HIF1A: variants seen among roughly 807,000 people sequenced by gnomAD.
The protein encoded by HIF1A is hypoxia-inducible factor 1-alpha.
Under a neutral mutation model 92.7 loss-of-function variants are expected in HIF1A, and 24 were observed. That is an observed-to-expected ratio of 0.26 (90% CI 0.19 to 0.36). HIF1A has a LOEUF of 0.36. Ranked by LOEUF, HIF1A falls within the 10% of genes least tolerant of loss-of-function variation. The pLI, the probability that HIF1A is intolerant of heterozygous loss-of-function variation, is 1.00. For synonymous variants in HIF1A, 319 were observed against 338.7 expected (o/e 0.94, Z 0.64); for missense variants, 799 against 998.5 (o/e 0.80, Z 2.69).
At chr14:61,712,577 A>G (rs1057049641) in intron 1 of HIF1A, among the ~76,000 whole-genome samples, 14 of 148,952 alleles carry the variant, frequency 9.4e-5, no homozygotes, top group Admixed American at 4.8e-4. Flanking sequence ...ACTGTAACTT[A>G]TATCTAGTAT....
At chr14:61,702,311 C>T (rs1383285076) in intron 1 of HIF1A, among the ~76,000 whole-genome samples, 1 of 144,936 alleles carries the variant, frequency 6.9e-6, no homozygotes, top group Non-Finnish European at 1.5e-5. Context: ...TGTGGTGGCA[C>T]ATGCCTGTAA....
chr14:61,697,788 G>T (rs1352394350), intron 1 of HIF1A: 1 of 1,447,532 alleles, frequency 6.9e-7, no homozygotes, highest in Non-Finnish European at 9.0e-7. Flanking sequence ...ACAGTTTTTT[G>T]AAAGATAACT....
At chr14:61,715,350 G>A (rs1014749471) in intron 1 of HIF1A, among the ~76,000 whole-genome samples, 1 of 152,130 alleles carries the variant, frequency 6.6e-6, no homozygotes, top group African/African-American at 2.4e-5. Flanking sequence ...GAATAGCTTA[G>A]GTCAAGTCCT....
intron 12 of HIF1A, among the ~76,000 whole-genome samples, chr14:61,742,215 T>A (rs1362327268): frequency 6.6e-6 from 1 of 152,216 alleles, no homozygotes; most frequent in Non-Finnish European, 1.5e-5. Context: ...TATTTTAAGT[T>A]TGAGGCTATA....
Position 61,744,656 on chromosome 14 carries a change from A to T in HIF1A, c.2094-49A>T, listed in dbSNP as rs557610663. The T allele has an allele frequency of 2.3e-4, 175 of 763,458 alleles. 2 individuals carry two copies. In the South Asian group the frequency reaches 2.9e-3, roughly 13 times the overall value. The allele number at this position is 763,458 out of a possible 1,614,324, so 47.3% of individuals were successfully genotyped here. ...TTTTCTTTAAAAGCGCTCACTGGAT[A>T]TTTTTTTTAAAAACGCTATATTTTC... On this transcript the variant is annotated intron_variant, in intron 12 of 14. Transcript: ENST00000337138.
intron 6 of HIF1A, among the ~76,000 whole-genome samples, chr14:61,728,439 T>G (rs2044534518): frequency 1.3e-5 from 2 of 152,220 alleles, no homozygotes; most frequent in African/African-American, 4.8e-5. Context: ...TATCTGGATA[T>G]TCTTCTGTAT....
At chr14:61,705,808 A>G (rs2044233054) in intron 1 of HIF1A, among the ~76,000 whole-genome samples, 1 of 152,208 alleles carries the variant, frequency 6.6e-6, no homozygotes, top group Non-Finnish European at 1.5e-5. Flanking sequence ...ATGGATTAGT[A>G]TAGTTGGAAA....
In HIF1A at chr14:61,738,153, C is replaced by T. The variant is rs369187768; in HGVS notation, c.1316C>T (p.Pro439Leu). The T allele has an allele frequency of 4.1e-5, 66 of 1,613,836 alleles. No individual in the cohort carries two copies. Among genetic ancestry groups the T allele is most frequent in the South Asian group, 2.5e-4 (23 of 91,080 alleles). The change falls in exon 10 of 15, where the codon CCC becomes CTC. Residue 439 changes from proline to leucine, a missense_variant. Transcript: ENST00000337138. Reference protein sequence around the residue: ...PLYNDVMLPSPNEKLQNINLA... With the variant: ...PLYNDVMLPSLNEKLQNINLA... Reference sequence around the variant, plus strand: ...TATAATGATGTAATGCTCCCCTCACCCAACGAAAAATTACAGAATATAAAT... The same window carrying T: ...TATAATGATGTAATGCTCCCCTCACTCAACGAAAAATTACAGAATATAAAT...
intron 1 of HIF1A, 80 bp downstream of exon 1, chr14:61,695,919 T>A: frequency 7.4e-7 from 1 of 1,348,506 alleles, no homozygotes; most frequent in South Asian, 1.3e-5. Context: ...TGGGCCGGCC[T>A]CGGCGTTAAT....
chr14:61,738,126 T>C lies in HIF1A; in HGVS notation c.1289T>C (p.Leu430Ser), dbSNP rs1367462066. The change falls in exon 10 of 15, where the codon TTA becomes TCA. Residue 430 changes from leucine (L) to serine (S), a missense_variant. Coordinates refer to ENST00000337138, the MANE Select transcript of HIF1A (RefSeq NM_001530.4). ...TDDQQLEEVPLYNDVMLPSPN... is the reference protein window; with the variant it reads ...TDDQQLEEVPSYNDVMLPSPN... ...GACCAGCAACTTGAGGAAGTACCAT[T>C]ATATAATGATGTAATGCTCCCCTCA... 2 of 1,612,648 alleles carry C rather than the reference T, an allele frequency of 1.2e-6. No individual in the cohort carries two copies. Among genetic ancestry groups the C allele is most frequent in the East Asian group, 4.5e-5 (2 of 44,886 alleles).
intron 4 of HIF1A, among the ~76,000 whole-genome samples, chr14:61,725,291 A>G (rs1384891465): frequency 1.3e-5 from 2 of 152,222 alleles, no homozygotes; most frequent in African/African-American, 4.8e-5. Context: ...AAGGTGGCGT[A>G]TCTTACTCAT....
chr14:61,726,740 G>C lies in HIF1A; in HGVS notation c.492G>C (p.Gln164His), dbSNP rs749381048. The change falls in exon 5 of 15, where the codon CAG becomes CAC. Residue 164 changes from glutamine to histidine, a missense_variant. Transcript: ENST00000337138. ...AAAAGGGTAAAGAACAAAACACACA[G>C]CGAAGCTTTTTTCTCAGAATGAAGT... Reference protein sequence around the residue: ...LVKKGKEQNTQRSFFLRMKCT... With the variant: ...LVKKGKEQNTHRSFFLRMKCT... 1.2e-6 allele frequency: 2 copies of C among 1,608,816 alleles called. No individual in the cohort carries two copies. The highest frequency in any genetic ancestry group is 2.7e-5 in the African/African-American group (2 of 74,758).
At chr14:61,729,939 C>T (rs2044555569) in intron 6 of HIF1A, among the ~76,000 whole-genome samples, 2 of 152,104 alleles carry the variant, frequency 1.3e-5, no homozygotes, top group Admixed American at 6.5e-5. Context: ...CCCTGAGAAC[C>T]AAGCTATGGA....
intron 1 of HIF1A, among the ~76,000 whole-genome samples, chr14:61,702,773 G>A (rs1034621313): frequency 6.6e-6 from 1 of 152,088 alleles, no homozygotes; most frequent in Non-Finnish European, 1.5e-5. Context: ...GGTGCACAAA[G>A]AAATAAAAAT....
At position 61,740,833 on chromosome 14, in the gene HIF1A, T is replaced by C. The variant is rs767710163; in HGVS notation, c.1738T>C (p.Leu580=). 1.2e-6 allele frequency: 2 copies of C among 1,614,134 alleles called. No homozygotes were observed. Among genetic ancestry groups the C allele is most frequent in the Admixed American group, 1.7e-5 (1 of 60,020 alleles). The part of the protein sequence containing the change: ...DDFQLRSFDQ[L]SPLESSSASP... ...CTTCCAGTTACGTTCCTTCGATCAG[T>C]TGTCACCATTAGAAAGCAGTTCCGC... is the stretch of plus-strand genomic sequence containing the variant. The change falls in exon 12 of 15, where the codon TTG becomes CTG. Residue 580 remains leucine (L), a synonymous_variant. Coordinates refer to ENST00000337138, the MANE Select transcript of HIF1A (RefSeq NM_001530.4).
chr14:61,728,896 C>T (rs1220606694), intron 6 of HIF1A, among the ~76,000 whole-genome samples: 1 of 151,936 alleles, frequency 6.6e-6, no homozygotes, highest in African/African-American at 2.4e-5. Flanking sequence ...CATCTTTGCA[C>T]ACAAAAATAT....
chr14:61,736,245 G>A (rs577573269), intron 8 of HIF1A, among the ~76,000 whole-genome samples: 2 of 152,174 alleles, frequency 1.3e-5, no homozygotes, highest in South Asian at 4.1e-4. Context: ...CCAAAGTCCT[G>A]GGATTACAGG....
chr14:61,734,327 G>A, intron 8 of HIF1A, 42 bp downstream of exon 8: 2 of 1,423,438 alleles, frequency 1.4e-6, no homozygotes, highest in African/African-American at 1.4e-5. Context: ...GGAACAAATA[G>A]TAATTCTTTT....
At chr14:61,723,282 T>C (rs2044455995) in intron 4 of HIF1A, among the ~76,000 whole-genome samples, 1 of 61,628 alleles carries the variant, frequency 1.6e-5, no homozygotes, top group Non-Finnish European at 7.9e-5. Context: ...TTAACTCCTT[T>C]ATTCCTCACA....
Sources: gnomAD v4.1 joint callset for allele counts (sites outside exome capture counted in the v4.1 genomes callset) on GRCh38, gnomAD v4.1.1 for gene constraint, MANE v1.5 for transcripts, NCBI Gene and HGNC (gene_info 2026-07-23, HGNC 2026-07-21) for gene names.